Variants in ZNF765 observed in about 807,000 individuals in gnomAD.
The protein encoded by ZNF765 is zinc finger protein 765.
Under a neutral mutation model 44.7 loss-of-function variants are expected in ZNF765, and 37 were observed. The observed-to-expected ratio is 0.83, with a 90% CI of 0.64 to 1.09. The LOEUF is 1.09. Among genes scored for constraint, ZNF765 ranks in the 50% least tolerant of loss-of-function variants. The pLI is 0.00. For missense variants in ZNF765, 594 were observed against 626.1 expected, an observed-to-expected ratio of 0.95 and a Z score of 0.55; for synonymous variants, 201 against 213.7, an observed-to-expected ratio of 0.94 and a Z score of 0.52.
Position 53,410,011 on chromosome 19 carries a change from A to G in ZNF765, c.*884A>G. ...AAGAGAGATCCTACAAGTGTGATAA[A>G]TGCAGAATAAATGCAGAAAATTTTT... On this transcript the variant is annotated 3_prime_UTR_variant, in exon 4 of 4. Transcript: ENST00000396408. 1 of 515,996 alleles carries G rather than the reference A, an allele frequency of 1.9e-6. No homozygotes were observed. Among genetic ancestry groups the G allele is most frequent in the Non-Finnish European group, 3.9e-6 (1 of 258,712 alleles). 32.0% of individuals were successfully genotyped at this position (515,996 alleles called of 1,614,324 possible). A position where few individuals can be genotyped will look rare whatever the true frequency, so the allele number is the denominator to read the frequency against.
intron 3 of ZNF765, among the ~76,000 whole-genome samples, chr19:53,404,085 C>T (rs1406278636): frequency 6.6e-6 from 1 of 152,056 alleles, no homozygotes. Context: ...TTATTTATTT[C>T]TTTGTTGATG....
intron 2 of ZNF765, among the ~76,000 whole-genome samples, chr19:53,399,671 C>T (rs1265526190): frequency 6.7e-6 from 1 of 150,346 alleles, no homozygotes; most frequent in Admixed American, 6.6e-5. Flanking sequence ...CAGATCAAGA[C>T]TCCATCTCAA....
In ZNF765 at chr19:53,409,600, C is replaced by G. The variant is rs2085814226; in HGVS notation, c.*473C>G. 2 of 1,462,414 alleles carry G rather than the reference C, an allele frequency of 1.4e-6. No individual in the cohort carries two copies. The highest frequency in any genetic ancestry group is 1.9e-6 in the Non-Finnish European group (2 of 1,046,216). 90.6% of individuals were successfully genotyped at this position (1,462,414 alleles called of 1,614,324 possible). A position where few individuals can be genotyped will look rare whatever the true frequency, so the allele number is the denominator to read the frequency against. The stretch of plus-strand genomic sequence containing the variant: ...CTTGAAAGACAAAGGAGAATTCATA[C>G]TGGAGAGAAACCATACAAGTGTAAT... On this transcript the variant is annotated 3_prime_UTR_variant, in exon 4 of 4. Coordinates refer to ENST00000396408, the MANE Select transcript of ZNF765 (RefSeq NM_001040185.3).
At chr19:53,402,336 C>G (rs925912109) in intron 3 of ZNF765, 145 bp downstream of exon 3, 2 of 1,405,728 alleles carry the variant, frequency 1.4e-6, no homozygotes, top group African/African-American at 1.5e-5. Flanking sequence ...GGCTCACGGC[C>G]AGCTCCGCCT....
At chr19:53,421,582 C>T (rs6509756) in intron 3 of ZNF765, among the ~76,000 whole-genome samples, 74,855 of 151,792 alleles carry the variant, frequency 0.49, 19,461 homozygotes, top group Admixed American at 0.59. Context: ...TGGCACGATC[C>T]CGGTTCACTG....
chr19:53,405,933 A>C (rs1480563138), intron 3 of ZNF765, among the ~76,000 whole-genome samples: 1 of 89,434 alleles, frequency 1.1e-5, no homozygotes, highest in Admixed American at 1.1e-4. Flanking sequence ...ATATATATAT[A>C]TATATATATA....
chr19:53,397,671 G>T (rs919658335), intron 1 of ZNF765, among the ~76,000 whole-genome samples: 2 of 151,974 alleles, frequency 1.3e-5, no homozygotes, highest in African/African-American at 4.8e-5. Context: ...ATGAGCCACC[G>T]CACCCAGCCT....
chr19:53,402,024 T>G, intron 2 of ZNF765, 41 bp from the exon 3 acceptor site: 3 of 1,613,948 alleles, frequency 1.9e-6, no homozygotes, highest in South Asian at 1.1e-5. Context: ...AGATAAGAAC[T>G]CCTCCCATAA....
chr19:53,413,605 T>G (rs926157799), downstream of ZNF765, among the ~76,000 whole-genome samples: 20 of 148,066 alleles, frequency 1.4e-4, no homozygotes, highest in African/African-American at 2.5e-4. Context: ...TTTAGGTTTT[T>G]TTTTTTTTTT....
intron 2 of ZNF765, among the ~76,000 whole-genome samples, chr19:53,400,482 T>C (rs191916209): frequency 3.2e-3 from 488 of 152,092 alleles, no homozygotes; most frequent in Middle Eastern, 6.8e-3. Flanking sequence ...TCTGACAAGA[T>C]TCCCCCCTGT....
intron 3 of ZNF765, among the ~76,000 whole-genome samples, chr19:53,422,552 A>G (rs2085913577): frequency 6.6e-6 from 1 of 151,914 alleles, no homozygotes; most frequent in African/African-American, 2.4e-5. Context: ...AGCTGGGTTT[A>G]TTTTTATTTT....
chr19:53,415,432 CA>C (rs2085869260), downstream of ZNF765, among the ~76,000 whole-genome samples: 1 of 152,082 alleles, frequency 6.6e-6, no homozygotes, highest in Non-Finnish European at 1.5e-5. Context: ...TATGTGATTT[CA>C]GATGCAATTT....
chr19:53,411,612 G>A lies in ZNF765; in HGVS notation c.*2485G>A, dbSNP rs547298766. On this transcript the variant is annotated 3_prime_UTR_variant, in exon 4 of 4. Transcript: ENST00000396408. ...CAGCCCCAGTGATAAGGATTTTTAT[G>A]GGTACCGTGTTGAATCTAAATCACA... 6.6e-6 allele frequency: 1 copy of A among 152,292 alleles called. No individual in the cohort carries two copies. Among genetic ancestry groups the A allele is most frequent in the Admixed American group, 6.5e-5 (1 of 15,302 alleles). 9.4% of individuals were successfully genotyped at this position (152,292 alleles called of 1,614,324 possible).
rs561341266 is a variant in ZNF765, at chr19:53,401,387, C to T, written c.16-678C>T. 2.6e-5 allele frequency among the ~76,000 whole-genome samples: 4 copies of T among 152,024 alleles called. No individual in the cohort carries two copies. The South Asian group carries it at 8.3e-4, about 32-fold the overall frequency. Reference sequence around the variant, plus strand: ...GACAATCCTGGCTAACACGGTGAAACCCCGTCTCTACTAAAAATACAAAAA... The same window carrying T: ...GACAATCCTGGCTAACACGGTGAAATCCCGTCTCTACTAAAAATACAAAAA... On this transcript the variant is annotated intron_variant, in intron 2 of 3. Transcript: ENST00000396408.
downstream of ZNF765, among the ~76,000 whole-genome samples, chr19:53,415,252 A>G (rs1381160385): frequency 6.6e-6 from 1 of 151,960 alleles, no homozygotes; most frequent in Non-Finnish European, 1.5e-5. Context: ...CCTGGGCAAC[A>G]AGAGTGAAAC....
Position 53,409,952 on chromosome 19 carries a change from A to T in ZNF765, c.*825A>T. ...TTGTCACCAAGTCTTGAGTAATGCT[A>T]CAACTATTGCAAATCATTGGAGAAT... is the stretch of plus-strand genomic sequence containing the variant. On this transcript the variant is annotated 3_prime_UTR_variant, in exon 4 of 4. Coordinates refer to ENST00000396408, the MANE Select transcript of ZNF765 (RefSeq NM_001040185.3). The T allele has an allele frequency of 1.7e-6, 1 of 576,496 alleles. No individual in the cohort carries two copies. Among genetic ancestry groups the T allele is most frequent in the South Asian group, 1.4e-5 (1 of 69,328 alleles). 35.7% of individuals were successfully genotyped at this position (576,496 alleles called of 1,614,324 possible).
In ZNF765 at chr19:53,410,667, A is replaced by G; in HGVS notation, c.*1540A>G. The G allele has an allele frequency of 2.1e-6, 1 of 477,642 alleles. No homozygotes were observed. Among genetic ancestry groups the G allele is most frequent in the Non-Finnish European group, 4.2e-6 (1 of 236,102 alleles). The allele number at this position is 477,642 out of a possible 1,614,324, so 29.6% of individuals were successfully genotyped here. A position where few individuals can be genotyped will look rare whatever the true frequency, so the allele number is the denominator to read the frequency against. On this transcript the variant is annotated 3_prime_UTR_variant, in exon 4 of 4. Transcript: ENST00000396408. The stretch of plus-strand genomic sequence containing the variant: ...ATTGGAGAATCCATAATGAAGAGAG[A>G]TCATACTAGTTTAATAAATTTGGCA...
At chr19:53,412,161 C>T (rs779471344), downstream of ZNF765, among the ~76,000 whole-genome samples, 4 of 152,178 alleles carry the variant, frequency 2.6e-5, no homozygotes, top group Admixed American at 6.6e-5. Flanking sequence ...ACTCATTGGT[C>T]ATTTCATGGA....
At chr19:53,412,277 A>T (rs1441806890), downstream of ZNF765, among the ~76,000 whole-genome samples, 4 of 152,194 alleles carry the variant, frequency 2.6e-5, no homozygotes, top group Non-Finnish European at 5.9e-5. Context: ...CCCTCTATTA[A>T]GATGATGTGG....
Sources: gnomAD v4.1 joint callset for allele counts (sites outside exome capture counted in the v4.1 genomes callset) on GRCh38, gnomAD v4.1.1 for gene constraint, MANE v1.5 for transcripts, NCBI Gene and HGNC (gene_info 2026-07-23, HGNC 2026-07-21) for gene names.